Variants in PRDM2 observed in about 807,000 individuals in gnomAD.
PRDM2 encodes PR domain zinc finger protein 2.
PRDM2 carries 30 observed loss-of-function variants against 130.0 expected under a neutral mutation model. The observed-to-expected ratio is 0.23, with a 90% CI of 0.17 to 0.31. The LOEUF (loss-of-function observed/expected upper bound fraction) is 0.31. PRDM2 is among the 10% of genes least tolerant of loss of function. The probability of loss-of-function intolerance (pLI) is 1.00; values close to 1 mark genes in which losing one functional copy is unlikely to be tolerated. For synonymous variants in PRDM2, 871 were observed against 782.4 expected (o/e 1.11, Z -1.89); for missense variants, 2,011 against 2,108.4 (o/e 0.95, Z 0.90).
At chr1:13,770,140 A>T (rs2884788) in intron 6 of PRDM2, among the ~76,000 whole-genome samples, 21,072 of 152,052 alleles carry the variant, frequency 0.14, 1,558 homozygotes, top group Admixed American at 0.24. Context: ...ACCTACTGCA[A>T]ATGGCTTCTC....
At chr1:13,770,134 A>G (rs935627785) in intron 6 of PRDM2, among the ~76,000 whole-genome samples, 3 of 152,116 alleles carry the variant, frequency 2.0e-5, no homozygotes, top group African/African-American at 7.2e-5. Context: ...AGATGTACCT[A>G]CTGCAAATGG....
Position 13,731,094 on chromosome 1 carries a change from C to G in PRDM2, c.104C>G (p.Ser35Cys). ...GLPEEVRLFP[S>C]AVDKTRIGVW... ...CCGGAGGAAGTGAGGCTTTTCCCTT[C>G]TGCTGTTGACAAGACCCGGATTGGT... The change falls in exon 3 of 10, where the codon TCT (serine) becomes TGT (cysteine). Residue 35 changes from serine (S) to cysteine (C), a missense_variant. By Grantham distance (112) the Ser-to-Cys change is moderately radical. Coordinates refer to ENST00000311066, the MANE Select transcript of PRDM2 (RefSeq NM_001393986.1). The G allele has an allele frequency of 3.1e-6, 5 of 1,612,798 alleles. No individual in the cohort carries two copies. The highest frequency in any genetic ancestry group is 4.2e-6 in the Non-Finnish European group (5 of 1,179,592).
At chr1:13,777,265 ATCCTGCCTCTCC>A (rs1392801225) in intron 7 of PRDM2, among the ~76,000 whole-genome samples, 1 of 151,734 alleles carries the variant, frequency 6.6e-6, no homozygotes, top group Non-Finnish European at 1.5e-5. Context: ...CTGTGCCACC[ATCCTGCCTCTCC>A]TGGAGGATGC....
At chr1:13,754,372 C>A (rs560170507) in intron 6 of PRDM2, among the ~76,000 whole-genome samples, 3 of 152,140 alleles carry the variant, frequency 2.0e-5, no homozygotes, top group African/African-American at 7.2e-5. Flanking sequence ...ACAGGTCAGA[C>A]TTAGTGGGTG....
intron 6 of PRDM2, among the ~76,000 whole-genome samples, chr1:13,758,113 A>G (rs1644003839): frequency 6.6e-6 from 1 of 152,038 alleles, no homozygotes; most frequent in South Asian, 2.1e-4. Context: ...TTCTACTTGG[A>G]ACTTTTACTG....
intron 2 of PRDM2, among the ~76,000 whole-genome samples, chr1:13,725,248 G>A (rs566060453): frequency 1.3e-5 from 2 of 151,918 alleles, no homozygotes; most frequent in Admixed American, 6.6e-5. Context: ...TCTATCCCCC[G>A]GGCTGGAGTG....
chr1:13,780,678 G>A lies in PRDM2; in HGVS notation c.2883G>A (p.Leu961=). 6.2e-7 allele frequency: 1 copy of A among 1,610,662 alleles called. No individual in the cohort carries two copies. Among genetic ancestry groups the A allele is most frequent in the Non-Finnish European group, 8.5e-7 (1 of 1,178,176 alleles). ...CACCCTCCCTTTCATCCGGTCAGCT[G>A]CCTCCTCTCTTGATCCCCACAGATC... The part of the protein sequence containing the change: ...LQTPSLSSGQ[L]PPLLIPTDPS... The change falls in exon 8 of 10, where the codon CTG becomes CTA. Residue 961 remains leucine, a synonymous_variant. Transcript: ENST00000311066.
chr1:13,784,173 C>T (rs980689479), intron 8 of PRDM2, among the ~76,000 whole-genome samples: 1 of 152,214 alleles, frequency 6.6e-6, no homozygotes, highest in African/African-American at 2.4e-5. Flanking sequence ...GCGGCACATA[C>T]ATAGGTAGCA....
At position 13,749,358 on chromosome 1, in the gene PRDM2, C is replaced by T; in HGVS notation, c.385-3C>T. Reference sequence around the variant, plus strand: ...CCGGCGCTTGTCTCTTCTCTCCCCGCAGCCAATCGCGCCGGGCGAGGAGCT... The same window carrying T: ...CCGGCGCTTGTCTCTTCTCTCCCCGTAGCCAATCGCGCCGGGCGAGGAGCT... On this transcript the variant is annotated splice_polypyrimidine_tract_variant and splice_region_variant and intron_variant, in intron 5 of 9. Coordinates refer to ENST00000311066, the MANE Select transcript of PRDM2 (RefSeq NM_001393986.1). 2 of 1,491,308 alleles carry T rather than the reference C, an allele frequency of 1.3e-6. No individual in the cohort carries two copies. Among genetic ancestry groups the T allele is most frequent in the Non-Finnish European group, 1.8e-6 (2 of 1,106,548 alleles). The allele number at this position is 1,491,308 out of a possible 1,614,324, so 92.4% of individuals were successfully genotyped here.
chr1:13,721,466 T>G (rs1345829026), intron 2 of PRDM2, among the ~76,000 whole-genome samples: 8 of 152,074 alleles, frequency 5.3e-5, no homozygotes, highest in Non-Finnish European at 1.0e-4. Context: ...AAAAAAAGAC[T>G]TCTAAGTAAG....
At position 13,779,086 on chromosome 1, in the gene PRDM2, G is replaced by T. The variant is rs756482573; in HGVS notation, c.1291G>T (p.Ala431Ser). The change falls in exon 8 of 10, where the codon GCT becomes TCT. Residue 431 changes from alanine (A) to serine (S), a missense_variant. Coordinates refer to ENST00000311066, the MANE Select transcript of PRDM2 (RefSeq NM_001393986.1). The surrounding 1 kb of genome is among the most constrained non-coding windows in gnomAD (Gnocchi z 4.9). ...SQTLQPSEDL[A>S]DGKASGENVA... ...AACACTACAGCCGTCAGAGGATCTG[G>T]CTGATGGCAAAGCATCTGGAGAAAA... 11 of 1,614,056 alleles carry T rather than the reference G, an allele frequency of 6.8e-6. No individual in the cohort carries two copies. The Admixed American group carries it at 1.2e-4, about 17-fold the overall frequency.
chr1:13,767,545 A>T (rs1040977758), intron 6 of PRDM2, among the ~76,000 whole-genome samples: 1 of 151,788 alleles, frequency 6.6e-6, no homozygotes, highest in South Asian at 2.1e-4. Context: ...AGCTTAAGCA[A>T]TCTGCCTACC....
chr1:13,716,910 G>T (rs1642558889), intron 2 of PRDM2, among the ~76,000 whole-genome samples: 1 of 151,486 alleles, frequency 6.6e-6, no homozygotes, highest in Non-Finnish European at 1.5e-5. Context: ...AAAACATTTT[G>T]TATCCCTCAT....
At chr1:13,763,519 T>A (rs1297022115) in intron 6 of PRDM2, among the ~76,000 whole-genome samples, 1 of 152,110 alleles carries the variant, frequency 6.6e-6, no homozygotes, top group Non-Finnish European at 1.5e-5. Context: ...TTTTCCTGAG[T>A]TTTATGGGTA....
chr1:13,764,901 G>T (rs1003953208), intron 6 of PRDM2, among the ~76,000 whole-genome samples: 1 of 152,184 alleles, frequency 6.6e-6, no homozygotes, highest in Non-Finnish European at 1.5e-5. Flanking sequence ...TGCAGAAAAA[G>T]ATTTGAAATT....
intron 2 of PRDM2, among the ~76,000 whole-genome samples, chr1:13,722,242 A>G (rs1642753703): frequency 6.6e-6 from 1 of 152,190 alleles, no homozygotes. Flanking sequence ...CAGAAAAGCC[A>G]GCGGTCGTTG....
chr1:13,819,515 A>G, intron 9 of PRDM2, among the ~76,000 whole-genome samples: 1 of 152,168 alleles, frequency 6.6e-6, no homozygotes, highest in Middle Eastern at 3.2e-3. Context: ...CATTTTTTAA[A>G]TTGGTACTTA....
Position 13,824,214 on chromosome 1 carries a change from C to T in PRDM2, c.*1079C>T, listed in dbSNP as rs2697964. On this transcript the variant is annotated 3_prime_UTR_variant, in exon 10 of 10. Transcript: ENST00000311066. ...TGGGTTTTGTGCCTTTGGGGCAGAC[C>T]CCAGGCAAGGATGTCTGAGACCACT... 0.84 allele frequency: 127,345 copies of T among 152,130 alleles called. 53,356 individuals are homozygous for T. Among genetic ancestry groups the T allele is most frequent in the Middle Eastern group, 0.87 (254 of 292 alleles). 9.4% of individuals were successfully genotyped at this position (152,130 alleles called of 1,614,324 possible). A position where few individuals can be genotyped will look rare whatever the true frequency, so the allele number is the denominator to read the frequency against.
At position 13,779,477 on chromosome 1, in the gene PRDM2, A is replaced by T; in HGVS notation, c.1682A>T (p.Asn561Ile). The change falls in exon 8 of 10, where the codon AAT becomes ATT. Residue 561 changes from asparagine (N) to isoleucine (I), a missense_variant. Asn to Ile is a moderately radical substitution (Grantham distance 149, BLOSUM62 -3). Transcript: ENST00000311066. The surrounding 1 kb of genome is among the most constrained non-coding windows in gnomAD (Gnocchi z 4.9). ...GTGTACATCATGGACATTTCTAGCAATATCTCTGAAAACTTAAATTACTAT... is the reference window on the plus strand; with the variant it reads ...GTGTACATCATGGACATTTCTAGCATTATCTCTGAAAACTTAAATTACTAT... ...DDVYIMDISSNISENLNYYID... is the reference protein window; with the variant it reads ...DDVYIMDISSIISENLNYYID... The T allele has an allele frequency of 2.5e-6, 4 of 1,614,140 alleles. No individual in the cohort carries two copies. Among genetic ancestry groups the T allele is most frequent in the Non-Finnish European group, 3.4e-6 (4 of 1,179,970 alleles).
Sources: allele counts gnomAD v4.1 joint callset (sites outside exome capture counted in the v4.1 genomes callset), GRCh38; gene constraint gnomAD v4.1.1; non-coding constraint Gnocchi (gnomAD v3.1); transcripts MANE v1.5; gene names NCBI Gene and HGNC (gene_info 2026-07-23, HGNC 2026-07-21).